The following GRIN2B variants were observed in gnomAD, a reference collection of about 807,000 sequenced individuals.
GRIN2B encodes glutamate ionotropic receptor NMDA type subunit 2B.
Under a neutral mutation model 114.5 loss-of-function variants are expected in GRIN2B, and 5 were observed. The ratio of observed to expected loss-of-function variants is 0.04; its 90% CI spans 0.02 to 0.09. The LOEUF is 0.09. Ranked by LOEUF, GRIN2B falls within the 10% of genes least tolerant of loss-of-function variation. The pLI is 1.00. For missense variants in GRIN2B, 1,108 were observed against 1,943.5 expected (o/e 0.57, Z 8.08); for synonymous variants, 787 against 745.1 (o/e 1.06, Z -0.92).
rs1222374843 is a variant in GRIN2B at position 13,616,676 on chromosome 12, A to T, written c.1126-19T>A. 1.3e-6 allele frequency: 2 copies of T among 1,585,498 alleles called. No individual in the cohort carries two copies. Among genetic ancestry groups the T allele is most frequent in the Non-Finnish European group, 1.7e-6 (2 of 1,154,128 alleles). On this transcript the variant is annotated intron_variant, in intron 5 of 13. Coordinates refer to ENST00000609686, the MANE Select transcript of GRIN2B (RefSeq NM_000834.5). ...TCCCCACCTGCACAAGGATGAACACAAGAATCAGAAACCACTGGCCACAAC... is the reference window on the plus strand; with the variant it reads ...TCCCCACCTGCACAAGGATGAACACTAGAATCAGAAACCACTGGCCACAAC...
intron 3 of GRIN2B, among the ~76,000 whole-genome samples, chr12:13,820,804 C>T (rs528158973): frequency 6.6e-6 from 1 of 152,260 alleles, no homozygotes; most frequent in East Asian, 1.9e-4. Flanking sequence ...TATCTCTTGG[C>T]TGAATTGCTT....
At chr12:13,706,393 T>C (rs1950360438) in intron 4 of GRIN2B, among the ~76,000 whole-genome samples, 1 of 152,150 alleles carries the variant, frequency 6.6e-6, no homozygotes, top group Non-Finnish European at 1.5e-5. Context: ...AGTGGGAGAC[T>C]AAATGGTTAG....
At chr12:13,586,207 A>G (rs573438221) in intron 10 of GRIN2B, among the ~76,000 whole-genome samples, 2 of 152,370 alleles carry the variant, frequency 1.3e-5, no homozygotes, top group South Asian at 4.1e-4. Flanking sequence ...AGGGAGGTAA[A>G]TGATATACAG....
intron 8 of GRIN2B, 96 bp from the exon 9 acceptor site, chr12:13,611,946 A>C (rs1949370529): frequency 8.1e-7 from 1 of 1,236,332 alleles, no homozygotes; most frequent in Non-Finnish European, 1.2e-6. Flanking sequence ...GGGGGTGGGG[A>C]ACAAACCACA....
chr12:13,839,440 T>C (rs1345424190), intron 3 of GRIN2B, among the ~76,000 whole-genome samples: 3 of 152,186 alleles, frequency 2.0e-5, no homozygotes, highest in African/African-American at 7.2e-5. Context: ...CATACAATCG[T>C]CATGGTGAAA....
chr12:13,912,249 T>C (rs1866638157), intron 2 of GRIN2B, among the ~76,000 whole-genome samples: 1 of 151,874 alleles, frequency 6.6e-6, no homozygotes, highest in African/African-American at 2.4e-5. Context: ...AATAACCAAC[T>C]GGGGTCTCTT....
intron 4 of GRIN2B, among the ~76,000 whole-genome samples, chr12:13,706,457 A>G (rs1045484913): frequency 2.0e-5 from 3 of 152,148 alleles, no homozygotes; most frequent in African/African-American, 7.2e-5. Context: ...CAGCAGAGAA[A>G]ATAAAAAGGT....
At chr12:13,934,904 G>T (rs1419792855) in intron 2 of GRIN2B, among the ~76,000 whole-genome samples, 1 of 152,146 alleles carries the variant, frequency 6.6e-6, no homozygotes, top group Non-Finnish European at 1.5e-5. Flanking sequence ...AAAACACTCT[G>T]CTCTGGTACT....
chr12:13,685,167 A>G (rs1437093721), intron 4 of GRIN2B, among the ~76,000 whole-genome samples: 1 of 152,142 alleles, frequency 6.6e-6, no homozygotes, highest in African/African-American at 2.4e-5. Context: ...CATTTCCTCA[A>G]TTTGTCCTTT....
intron 4 of GRIN2B, among the ~76,000 whole-genome samples, chr12:13,736,679 C>A (rs1863189582): frequency 6.6e-6 from 1 of 152,116 alleles, no homozygotes; most frequent in Non-Finnish European, 1.5e-5. Context: ...GATTTAGCTG[C>A]CTACGTAAGA....
In GRIN2B at chr12:13,546,348, G is replaced by A. The variant is rs780337231; in HGVS notation, c.*16435C>T. Reference sequence around the variant, plus strand: ...CTTATCAATGTCTGTCTGGAAGAAAGCCTACGTCTCTTTCTAAAGCCAGCC... The same window carrying A: ...CTTATCAATGTCTGTCTGGAAGAAAACCTACGTCTCTTTCTAAAGCCAGCC... On this transcript the variant is annotated 3_prime_UTR_variant, in exon 14 of 14. Coordinates refer to ENST00000609686, the MANE Select transcript of GRIN2B (RefSeq NM_000834.5). The A allele has an allele frequency of 2.0e-5, 3 of 152,202 alleles. No individual in the cohort carries two copies. The highest frequency in any genetic ancestry group is 4.4e-5 in the Non-Finnish European group (3 of 68,034). 9.4% of individuals were successfully genotyped at this position (152,202 alleles called of 1,614,324 possible). A position where few individuals can be genotyped will look rare whatever the true frequency, so the allele number is the denominator to read the frequency against.
intron 3 of GRIN2B, among the ~76,000 whole-genome samples, chr12:13,781,762 A>G (rs1864119032): frequency 6.6e-6 from 1 of 152,190 alleles, no homozygotes. Context: ...TGCAATCTGA[A>G]TGGAATGGAT....
At chr12:13,944,463 C>G (rs534090805) in intron 2 of GRIN2B, among the ~76,000 whole-genome samples, 1 of 152,346 alleles carries the variant, frequency 6.6e-6, no homozygotes, top group African/African-American at 2.4e-5. Flanking sequence ...GGCCTGCTGT[C>G]CACCTCTTGC....
At chr12:13,697,137 A>C (rs1341462959) in intron 4 of GRIN2B, among the ~76,000 whole-genome samples, 1 of 152,046 alleles carries the variant, frequency 6.6e-6, no homozygotes, top group Non-Finnish European at 1.5e-5. Context: ...AATGAAGACA[A>C]ATCACCCAGC....
At position 13,564,759 on chromosome 12, in the gene GRIN2B, T is replaced by C. The variant is rs1181645195; in HGVS notation, c.2599-120A>G. On this transcript the variant is annotated intron_variant, in intron 13 of 13. Transcript: ENST00000609686. The surrounding 1 kb of genome is among the most constrained non-coding windows in gnomAD (Gnocchi z 4.8). Reference sequence around the variant, plus strand: ...AGAAAAAGGGAAAGCATGAAGCGAATAGTCTAATATACTATTAGATGTGGC... The same window carrying C: ...AGAAAAAGGGAAAGCATGAAGCGAACAGTCTAATATACTATTAGATGTGGC... The C allele has an allele frequency of 1.1e-6, 1 of 901,496 alleles. No individual in the cohort carries two copies. Among genetic ancestry groups the C allele is most frequent in the African/African-American group, 1.6e-5 (1 of 61,452 alleles). 55.8% of individuals were successfully genotyped at this position (901,496 alleles called of 1,614,324 possible). A position where few individuals can be genotyped will look rare whatever the true frequency, so the allele number is the denominator to read the frequency against.
chr12:13,739,383 A>T (rs1447746369), intron 4 of GRIN2B, among the ~76,000 whole-genome samples: 2 of 125,436 alleles, frequency 1.6e-5, no homozygotes, highest in Non-Finnish European at 3.7e-5. Flanking sequence ...TCAAAAAAAA[A>T]AAAAAAAAAA....
intron 3 of GRIN2B, among the ~76,000 whole-genome samples, chr12:13,780,557 T>C (rs1864090424): frequency 6.6e-6 from 1 of 152,164 alleles, no homozygotes; most frequent in Non-Finnish European, 1.5e-5. Context: ...AATGGGAACA[T>C]TAATGACTGG....
intron 3 of GRIN2B, among the ~76,000 whole-genome samples, chr12:13,827,824 G>A (rs946142627): frequency 6.6e-6 from 1 of 152,132 alleles, no homozygotes; most frequent in Non-Finnish European, 1.5e-5. Flanking sequence ...TGGAACTACA[G>A]GCGCATGCCA....
chr12:13,936,276 G>C (rs945199222), intron 2 of GRIN2B, among the ~76,000 whole-genome samples: 8 of 152,290 alleles, frequency 5.3e-5, no homozygotes, highest in African/African-American at 9.6e-5. Flanking sequence ...TGGAGTTCCA[G>C]TCCTGCCAGA....
Sources: gnomAD v4.1 joint callset for allele counts (sites outside exome capture counted in the v4.1 genomes callset) on GRCh38, gnomAD v4.1.1 for gene constraint, Gnocchi (gnomAD v3.1) non-coding constraint, MANE v1.5 for transcripts, NCBI Gene and HGNC (gene_info 2026-07-23, HGNC 2026-07-21) for gene names.